Variants in CCDC178 observed in about 807,000 individuals in gnomAD.
CCDC178 encodes coiled-coil domain-containing protein 178.
CCDC178 carries 126 observed loss-of-function variants against 117.4 expected under a neutral mutation model. The observed-to-expected ratio is 1.07, with a 90% CI of 0.93 to 1.24. The LOEUF is 1.24. Among genes scored for constraint, CCDC178 ranks in the 50% most tolerant of loss-of-function variants. The pLI is 0.00. For synonymous variants in CCDC178, 283 were observed against 313.4 expected, an observed-to-expected ratio of 0.90 and a Z score of 1.02; for missense variants, 1,030 against 986.9, an observed-to-expected ratio of 1.04 and a Z score of -0.59.
intron 12 of CCDC178, among the ~76,000 whole-genome samples, chr18:33,268,288 A>G (rs923794205): frequency 6.6e-6 from 1 of 151,922 alleles, no homozygotes; most frequent in Non-Finnish European, 1.5e-5. Flanking sequence ...AATCATAGTA[A>G]AGATCAGAGG....
chr18:33,024,745 G>A (rs1197265352), intron 21 of CCDC178, among the ~76,000 whole-genome samples: 1 of 151,390 alleles, frequency 6.6e-6, no homozygotes, highest in Non-Finnish European at 1.5e-5. Flanking sequence ...CCGGGTTCAC[G>A]CCATTCTCCT....
intron 21 of CCDC178, among the ~76,000 whole-genome samples, chr18:32,988,101 A>G (rs1288055306): frequency 6.8e-6 from 1 of 146,692 alleles, no homozygotes; most frequent in Admixed American, 6.9e-5. Context: ...TAATAATAAT[A>G]ATAATAATAA....
intron 4 of CCDC178, among the ~76,000 whole-genome samples, chr18:33,391,933 G>A (rs913731189): frequency 1.3e-5 from 2 of 151,460 alleles, no homozygotes; most frequent in African/African-American, 4.9e-5. Flanking sequence ...GCGTGATCTC[G>A]GTTCACTGCA....
At chr18:33,330,912 T>C (rs2062658653) in intron 10 of CCDC178, among the ~76,000 whole-genome samples, 1 of 152,086 alleles carries the variant, frequency 6.6e-6, no homozygotes, top group East Asian at 1.9e-4. Context: ...AAAATGTACA[T>C]TTATTGAAAA....
intron 7 of CCDC178, among the ~76,000 whole-genome samples, chr18:33,350,658 G>C (rs555899376): frequency 2.4e-4 from 37 of 152,158 alleles, no homozygotes; most frequent in African/African-American, 8.7e-4. Flanking sequence ...AACACATTTG[G>C]TTATCTATTA....
At chr18:33,174,657 T>A (rs1431973720) in intron 20 of CCDC178, among the ~76,000 whole-genome samples, 2 of 152,116 alleles carry the variant, frequency 1.3e-5, no homozygotes, top group Non-Finnish European at 2.9e-5. Context: ...GGAGAGTAAA[T>A]GTCAACGCCA....
chr18:33,422,777 C>A (rs996278320), intron 2 of CCDC178, among the ~76,000 whole-genome samples: 1 of 152,136 alleles, frequency 6.6e-6, no homozygotes, highest in Non-Finnish European at 1.5e-5. Flanking sequence ...AAAAAACACA[C>A]GAATGAATGA....
chr18:33,135,042 A>C (rs558035041), intron 20 of CCDC178, among the ~76,000 whole-genome samples: 1 of 152,274 alleles, frequency 6.6e-6, no homozygotes, highest in South Asian at 2.1e-4. Flanking sequence ...AAAAAATAAA[A>C]TTAAAATGCA....
At chr18:33,346,801 C>T (rs1444940940) in intron 8 of CCDC178, among the ~76,000 whole-genome samples, 1 of 152,100 alleles carries the variant, frequency 6.6e-6, no homozygotes, top group Non-Finnish European at 1.5e-5. Flanking sequence ...CAGGTAAATA[C>T]TGAATAATCA....
At chr18:33,071,465 T>A (rs980288053) in intron 21 of CCDC178, among the ~76,000 whole-genome samples, 1 of 152,108 alleles carries the variant, frequency 6.6e-6, no homozygotes, top group Non-Finnish European at 1.5e-5. Context: ...AAGTAATCAA[T>A]CAAATTTTCA....
intron 20 of CCDC178, among the ~76,000 whole-genome samples, chr18:33,099,299 A>G (rs1013447248): frequency 1.3e-5 from 2 of 152,036 alleles, no homozygotes; most frequent in Non-Finnish European, 2.9e-5. Flanking sequence ...GCACATGCCC[A>G]CGCATTACAC....
At chr18:33,311,812 G>A (rs1181389067) in intron 11 of CCDC178, among the ~76,000 whole-genome samples, 1 of 152,174 alleles carries the variant, frequency 6.6e-6, no homozygotes, top group Non-Finnish European at 1.5e-5. Context: ...GTGCAAGACT[G>A]TTGATTTCTT....
At chr18:33,261,646 T>C (rs56302318) in intron 14 of CCDC178, among the ~76,000 whole-genome samples, 10,251 of 152,250 alleles carry the variant, frequency 0.067, 516 homozygotes, top group African/African-American at 0.14. Flanking sequence ...CAGAGTTTAA[T>C]GGTTATATAA....
At chr18:33,331,483 C>A (rs571250345) in intron 10 of CCDC178, among the ~76,000 whole-genome samples, 1 of 152,062 alleles carries the variant, frequency 6.6e-6, no homozygotes, top group East Asian at 2.0e-4. Flanking sequence ...GCTTATTTGG[C>A]ATTTTCTAAA....
chr18:32,996,371 T>C (rs888737800), intron 21 of CCDC178, among the ~76,000 whole-genome samples: 7 of 151,880 alleles, frequency 4.6e-5, no homozygotes, highest in African/African-American at 1.7e-4. Context: ...AAATGCTTAA[T>C]GAGAGAAATA....
intron 20 of CCDC178, among the ~76,000 whole-genome samples, chr18:33,196,956 G>T (rs1170227561): frequency 2.0e-5 from 3 of 152,134 alleles, no homozygotes; most frequent in Non-Finnish European, 4.4e-5. Context: ...TTTAACTTCA[G>T]AAGTCACTTG....
intron 11 of CCDC178, among the ~76,000 whole-genome samples, chr18:33,321,567 T>A (rs897714651): frequency 6.6e-6 from 1 of 152,118 alleles, no homozygotes; most frequent in Non-Finnish European, 1.5e-5. Flanking sequence ...GTAAAATTTT[T>A]CTTAGTTCCT....
intron 12 of CCDC178, among the ~76,000 whole-genome samples, chr18:33,272,576 T>C (rs559280291): frequency 1.3e-3 from 203 of 151,692 alleles, no homozygotes; most frequent in Non-Finnish European, 2.6e-3. Flanking sequence ...TGATAGCATA[T>C]CCTGACAAGA....
At chr18:33,337,786 T>A (rs2062761001) in intron 9 of CCDC178, among the ~76,000 whole-genome samples, 1 of 152,106 alleles carries the variant, frequency 6.6e-6, no homozygotes. Context: ...TTAGATCTAA[T>A]ACTTGAAATC....
Sources: allele counts gnomAD v4.1 joint callset (sites outside exome capture counted in the v4.1 genomes callset), GRCh38; gene constraint gnomAD v4.1.1; transcripts MANE v1.5; gene names NCBI Gene and HGNC (gene_info 2026-07-23, HGNC 2026-07-21).